Variants in PALS2 observed in about 807,000 individuals in gnomAD.
PALS2 encodes protein associated with LIN7 2, MAGUK p55 family member.
A neutral mutation model predicts 61.6 loss-of-function variants in PALS2; 27 were observed. The ratio of observed to expected loss-of-function variants is 0.44; its 90% CI spans 0.32 to 0.60. The LOEUF (loss-of-function observed/expected upper bound fraction) is 0.60, where lower values mean the gene tolerates loss of function less well. Among genes scored for constraint, PALS2 ranks in the 20% least tolerant of loss-of-function variants. PALS2 has a pLI of 0.05. For synonymous variants in PALS2, 236 were observed against 218.6 expected (o/e 1.08, Z -0.70); for missense variants, 554 against 639.4 (o/e 0.87, Z 1.44).
chr7:24,595,512 A>G (rs1403688042), intron 1 of PALS2, among the ~76,000 whole-genome samples: 1 of 110,048 alleles, frequency 9.1e-6, no homozygotes, highest in Non-Finnish European at 1.7e-5. Context: ...TATATATAAT[A>G]TATAATATAT....
intron 1 of PALS2, among the ~76,000 whole-genome samples, chr7:24,606,189 T>C (rs1229701360): frequency 6.6e-6 from 1 of 152,202 alleles, no homozygotes; most frequent in Non-Finnish European, 1.5e-5. Context: ...AGAATTACTA[T>C]GAATGAAACT....
At chr7:24,638,007 C>T (rs1334731916) in intron 2 of PALS2, among the ~76,000 whole-genome samples, 1 of 152,070 alleles carries the variant, frequency 6.6e-6, no homozygotes, top group Admixed American at 6.6e-5. Context: ...ATGTGGCTCA[C>T]TTGCTCCTCT....
intron 1 of PALS2, among the ~76,000 whole-genome samples, chr7:24,578,198 G>A (rs979468333): frequency 2.6e-5 from 4 of 152,064 alleles, no homozygotes; most frequent in Admixed American, 6.5e-5. Context: ...GGATTCTCTC[G>A]CCTCAGTGCC....
intron 5 of PALS2, among the ~76,000 whole-genome samples, chr7:24,659,568 A>T (rs944705552): frequency 3.9e-5 from 6 of 152,076 alleles, no homozygotes; most frequent in African/African-American, 1.4e-4. Context: ...GATTCTTTTA[A>T]ATCTTGCTTT....
At chr7:24,619,734 A>G (rs1460438963) in intron 1 of PALS2, among the ~76,000 whole-genome samples, 1 of 150,236 alleles carries the variant, frequency 6.7e-6, no homozygotes, top group African/African-American at 2.4e-5. Context: ...AAAAAAAAAA[A>G]AGAAAGAAAA....
intron 1 of PALS2, among the ~76,000 whole-genome samples, chr7:24,589,967 G>T (rs895602975): frequency 2.0e-5 from 3 of 152,034 alleles, no homozygotes; most frequent in African/African-American, 7.2e-5. Context: ...TTAATATTTG[G>T]TTTTCTACCA....
At chr7:24,579,991 T>C (rs748235088) in intron 1 of PALS2, among the ~76,000 whole-genome samples, 6 of 151,774 alleles carry the variant, frequency 4.0e-5, no homozygotes, top group Non-Finnish European at 7.4e-5. Context: ...TAAAGAAAAA[T>C]GTATGAGAAA....
At chr7:24,678,277 G>A (rs1787729230) in intron 9 of PALS2, among the ~76,000 whole-genome samples, 2 of 152,188 alleles carry the variant, frequency 1.3e-5, no homozygotes, top group African/African-American at 4.8e-5. Context: ...ATTCAAAGCT[G>A]TAAAATATCA....
At chr7:24,639,905 C>T (rs1281299651) in intron 2 of PALS2, among the ~76,000 whole-genome samples, 1 of 149,686 alleles carries the variant, frequency 6.7e-6, no homozygotes, top group Non-Finnish European at 1.5e-5. Flanking sequence ...CAGCCTCCGC[C>T]TCCTGGGTTC....
chr7:24,665,800 T>G, intron 7 of PALS2, 113 bp downstream of exon 7: 1 of 1,022,360 alleles, frequency 9.8e-7, no homozygotes, highest in Non-Finnish European at 1.4e-6. Flanking sequence ...AATGAATCCC[T>G]CCCTCTGCTT....
At chr7:24,599,941 C>T (rs939313922) in intron 1 of PALS2, among the ~76,000 whole-genome samples, 1 of 152,064 alleles carries the variant, frequency 6.6e-6, no homozygotes, top group Non-Finnish European at 1.5e-5. Context: ...CATCATGTCC[C>T]ACTGGAAAGT....
rs1788472497 is a variant in PALS2, at chr7:24,691,440, T to TATATATAC, written c.*3831_*3832insTACATATA. 7.4e-6 allele frequency: 1 copy of TATATATAC among 135,374 alleles called. No homozygotes were observed. The highest frequency in any genetic ancestry group is 2.1e-4 in the East Asian group (1 of 4,782). The allele number at this position is 135,374 out of a possible 1,614,324, so 8.4% of individuals were successfully genotyped here. A position where few individuals can be genotyped will look rare whatever the true frequency, so the allele number is the denominator to read the frequency against. On this transcript the variant is annotated 3_prime_UTR_variant, in exon 12 of 12. Coordinates refer to ENST00000222644, the MANE Select transcript of PALS2 (RefSeq NM_001303037.2). Reference sequence around the variant, plus strand: ...ATATATATATATATATATATATATATATATACAGCTATGTGTATAATATGT... The same window carrying TATATATAC: ...ATATATATATATATATATATATATATATATATACATATACAGCTATGTGTATAATATGT...
chr7:24,672,331 C>T (rs1787340618), intron 9 of PALS2, among the ~76,000 whole-genome samples: 1 of 151,538 alleles, frequency 6.6e-6, no homozygotes, highest in Non-Finnish European at 1.5e-5. Flanking sequence ...GGATTCAAGC[C>T]ATTCTCCTGC....
At chr7:24,592,618 A>G (rs1331418166) in intron 1 of PALS2, among the ~76,000 whole-genome samples, 1 of 152,126 alleles carries the variant, frequency 6.6e-6, no homozygotes, top group East Asian at 1.9e-4. Flanking sequence ...CAGAGATATC[A>G]CGGGTTCAGT....
chr7:24,653,755 G>A (rs1786278586), intron 5 of PALS2, among the ~76,000 whole-genome samples: 1 of 152,184 alleles, frequency 6.6e-6, no homozygotes, highest in African/African-American at 2.4e-5. Flanking sequence ...AGGTATGTCT[G>A]CAAACCAAGG....
At chr7:24,607,315 A>G (rs1783936089) in intron 1 of PALS2, among the ~76,000 whole-genome samples, 1 of 152,088 alleles carries the variant, frequency 6.6e-6, no homozygotes, top group South Asian at 2.1e-4. Flanking sequence ...CTAACATATA[A>G]TGAAATGAAG....
At chr7:24,685,383 G>A (rs1435528694) in intron 11 of PALS2, among the ~76,000 whole-genome samples, 1 of 152,070 alleles carries the variant, frequency 6.6e-6, no homozygotes, top group Non-Finnish European at 1.5e-5. Flanking sequence ...AACGAATCCA[G>A]CTTTTCTGTG....
chr7:24,589,027 A>G (rs772429910), intron 1 of PALS2: 5 of 152,154 alleles, frequency 3.3e-5, no homozygotes, highest in Non-Finnish European at 7.4e-5. Context: ...AAGCAAAAGT[A>G]TTTCTTTACT....
intron 3 of PALS2, among the ~76,000 whole-genome samples, chr7:24,642,130 C>G (rs531715558): frequency 6.6e-6 from 1 of 152,110 alleles, no homozygotes; most frequent in South Asian, 2.1e-4. Context: ...AAGAAAACAA[C>G]CTTAATTCAC....
Sources: gnomAD v4.1 joint callset for allele counts (sites outside exome capture counted in the v4.1 genomes callset) on GRCh38, gnomAD v4.1.1 for gene constraint, MANE v1.5 for transcripts, NCBI Gene and HGNC (gene_info 2026-07-23, HGNC 2026-07-21) for gene names.